SLC14A2: variants seen among roughly 807,000 people sequenced by gnomAD.
SLC14A2 encodes the protein solute carrier family 14 member 2, also known as urea transporter 2.
SLC14A2 carries 91 observed loss-of-function variants against 104.6 expected under a neutral mutation model. That is an observed-to-expected ratio of 0.87 (90% CI 0.73 to 1.04). SLC14A2 has a LOEUF of 1.04. SLC14A2 is among the 50% of genes least tolerant of loss of function. The probability of loss-of-function intolerance (pLI) is 0.00; values close to 1 mark genes in which losing one functional copy is unlikely to be tolerated. For missense variants in SLC14A2, 1,189 were observed against 1,156.0 expected, an observed-to-expected ratio of 1.03 and a Z score of -0.41; for synonymous variants, 476 against 466.4, an observed-to-expected ratio of 1.02 and a Z score of -0.27.
intron 1 of SLC14A2, among the ~76,000 whole-genome samples, chr18:45,260,915 C>T (rs568817240): frequency 6.6e-6 from 1 of 152,192 alleles, no homozygotes; most frequent in Admixed American, 6.5e-5. Flanking sequence ...GTAACAGGAC[C>T]ATCCGTACCC....
chr18:45,379,904 A>T (rs1459010234), intron 1 of SLC14A2, among the ~76,000 whole-genome samples: 1 of 152,212 alleles, frequency 6.6e-6, no homozygotes, highest in Non-Finnish European at 1.5e-5. Flanking sequence ...GTAGCTAAGG[A>T]ACACTATGTA....
chr18:45,571,689 G>A (rs2044347914), intron 2 of SLC14A2, among the ~76,000 whole-genome samples: 1 of 152,116 alleles, frequency 6.6e-6, no homozygotes, highest in Non-Finnish European at 1.5e-5. Flanking sequence ...TTTCTTCTCT[G>A]GGTCCATATT....
At chr18:45,510,753 G>T (rs2043354965) in intron 2 of SLC14A2, among the ~76,000 whole-genome samples, 1 of 151,770 alleles carries the variant, frequency 6.6e-6, no homozygotes, top group Admixed American at 6.6e-5. Context: ...GTTTGGAGAG[G>T]TGACAGTTCC....
At chr18:45,190,091 G>T in the SLC14A2 span, among the ~76,000 whole-genome samples, 1 of 152,198 alleles carries the variant, frequency 6.6e-6, no homozygotes, top group Non-Finnish European at 1.5e-5. Flanking sequence ...TTGCAGGTGA[G>T]ATAAGAATAA....
At chr18:45,443,398 T>C (rs917884566) in intron 1 of SLC14A2, among the ~76,000 whole-genome samples, 2 of 152,226 alleles carry the variant, frequency 1.3e-5, no homozygotes, top group African/African-American at 4.8e-5. Context: ...AATGGACTGA[T>C]TGGGGATGCC....
chr18:45,444,051 A>G (rs570413915), intron 1 of SLC14A2, among the ~76,000 whole-genome samples: 50 of 152,352 alleles, frequency 3.3e-4, no homozygotes, highest in African/African-American at 1.2e-3. Flanking sequence ...AGCACAGTAG[A>G]GTAACCATTA....
At position 45,403,264 on chromosome 18, in the gene SLC14A2, CTTATGACCTCATTAA is replaced by C. The variant is rs2086115831; in HGVS notation, c.-124-79965_-124-79951del. Among the ~76,000 whole-genome samples, 5 of 152,262 alleles carry C rather than the reference CTTATGACCTCATTAA, an allele frequency of 3.3e-5. No homozygotes were observed. In the South Asian group the frequency reaches 1.0e-3, roughly 32 times the overall value. On this transcript the variant is annotated intron_variant, in intron 1 of 20. Coordinates refer to the SLC14A2 transcript ENST00000586448. Reference sequence around the variant, plus strand: ...AGTCCTATCAGATTAGGGGTCCACCCTTATGACCTCATTAATTACCTCCTTAAAGGCTCTATCTTC... The same window carrying C: ...AGTCCTATCAGATTAGGGGTCCACCCTTACCTCCTTAAAGGCTCTATCTTC...
intron 1 of SLC14A2, among the ~76,000 whole-genome samples, chr18:45,245,831 T>C (rs1217725323): frequency 1.3e-5 from 2 of 152,248 alleles, no homozygotes; most frequent in Non-Finnish European, 2.9e-5. Context: ...TTGAGTTCTG[T>C]TGAACACCTC....
At position 45,665,688 on chromosome 18, in the gene SLC14A2, C is replaced by CTTTTTTT. The variant is rs146248418; in HGVS notation, c.1475-427_1475-421dup. 3.0e-3 allele frequency among the ~76,000 whole-genome samples: 239 copies of CTTTTTTT among 79,304 alleles called. 11 individuals are homozygous for CTTTTTTT. The highest frequency in any genetic ancestry group is 7.2e-3 in the African/African-American group (130 of 18,134). The allele number at this position is 79,304 out of a possible 152,430, so 52.0% of individuals were successfully genotyped here. A position where few individuals can be genotyped will look rare whatever the true frequency, so the allele number is the denominator to read the frequency against. On this transcript the variant is annotated intron_variant, in intron 11 of 19. Coordinates refer to ENST00000255226, the MANE Select transcript of SLC14A2 (RefSeq NM_007163.4). ...AAGGGCTTCAACAACAACCAAGTTT[C>CTTTTTTT]TTTTTTTTTTTTTTTTTTTTTTTTT... is the stretch of plus-strand genomic sequence containing the variant.
intron 1 of SLC14A2, among the ~76,000 whole-genome samples, chr18:45,426,700 C>CAT (rs1383468402): frequency 5.3e-4 from 20 of 37,904 alleles, no homozygotes; most frequent in African/African-American, 7.3e-4. Flanking sequence ...TACATACATA[C>CAT]ACACACACAC....
chr18:45,191,255 A>T, the SLC14A2 span, among the ~76,000 whole-genome samples: 50 of 152,306 alleles, frequency 3.3e-4, no homozygotes, highest in Non-Finnish European at 5.9e-4. Flanking sequence ...TAGCCCAGCA[A>T]TGCTGCCAGA....
chr18:45,367,387 T>C (rs1465445942), intron 1 of SLC14A2, among the ~76,000 whole-genome samples: 1 of 152,124 alleles, frequency 6.6e-6, no homozygotes, highest in African/African-American at 2.4e-5. Context: ...GGTTTTTAGG[T>C]TCTCAGAAAC....
chr18:45,325,470 C>G (rs796572760), intron 1 of SLC14A2, among the ~76,000 whole-genome samples: 25 of 152,274 alleles, frequency 1.6e-4, no homozygotes, highest in African/African-American at 5.8e-4. Context: ...AGGAGAAACT[C>G]AAACAAAAGT....
chr18:45,234,722 A>G (rs11663072), intron 1 of SLC14A2, among the ~76,000 whole-genome samples: 27,939 of 152,104 alleles, frequency 0.18, 2,635 homozygotes, highest in Middle Eastern at 0.22. Flanking sequence ...TTAATTCTCT[A>G]CTGCCTTGTT....
At chr18:45,629,613 T>C (rs925519208) in intron 4 of SLC14A2, among the ~76,000 whole-genome samples, 1 of 152,148 alleles carries the variant, frequency 6.6e-6, no homozygotes, top group Non-Finnish European at 1.5e-5. Context: ...TAATCTACTG[T>C]CCAGCTGAGA....
chr18:45,501,097 ATG>A (rs1404375916), intron 2 of SLC14A2, among the ~76,000 whole-genome samples: 2 of 152,178 alleles, frequency 1.3e-5, no homozygotes, highest in Non-Finnish European at 2.9e-5. Flanking sequence ...GACCTCTAGT[ATG>A]TGTGTATTGT....
intron 3 of SLC14A2, 62 bp downstream of exon 3, chr18:45,625,925 T>G: frequency 8.0e-7 from 1 of 1,253,234 alleles, no homozygotes; most frequent in Non-Finnish European, 1.0e-6. Context: ...CAACCCTCTC[T>G]CCGGTTTGGT....
intron 1 of SLC14A2, among the ~76,000 whole-genome samples, chr18:45,335,364 G>A (rs752457759): frequency 6.6e-5 from 10 of 152,180 alleles, no homozygotes; most frequent in Non-Finnish European, 1.5e-4. Context: ...ATACATCTAA[G>A]TTGTTGTATG....
Position 45,567,070 on chromosome 18 carries a change from G to T in SLC14A2, c.-34-57561G>T, listed in dbSNP as rs141379613. 3.7e-3 allele frequency among the ~76,000 whole-genome samples: 544 copies of T among 146,256 alleles called. 1 individual carries two copies. Among genetic ancestry groups the T allele is most frequent in the Non-Finnish European group, 6.6e-3 (441 of 66,774 alleles). ...ATGTGCACATAGTGTGTGTGTGTGTGTGTGTGTGTGTGTGTGTGTGTGTGT... is the reference window on the plus strand; with the variant it reads ...ATGTGCACATAGTGTGTGTGTGTGTTTGTGTGTGTGTGTGTGTGTGTGTGT... On this transcript the variant is annotated intron_variant, in intron 2 of 20. Transcript: ENST00000586448.
Sources: allele counts gnomAD v4.1 joint callset (sites outside exome capture counted in the v4.1 genomes callset), GRCh38; gene constraint gnomAD v4.1.1; transcripts MANE v1.5; gene names NCBI Gene and HGNC (gene_info 2026-07-23, HGNC 2026-07-21).